MLIP: variants seen among roughly 807,000 people sequenced by gnomAD.
MLIP encodes the protein muscular LMNA interacting protein.
A neutral mutation model predicts 84.8 loss-of-function variants in MLIP; 79 were observed. The observed-to-expected ratio is 0.93, with a 90% CI of 0.78 to 1.12. The LOEUF is 1.12. Among genes scored for constraint, MLIP ranks in the 50% most tolerant of loss-of-function variants. MLIP has a pLI of 0.00. For missense variants in MLIP, 1,257 were observed against 1,160.6 expected, an observed-to-expected ratio of 1.08 and a Z score of -1.21; for synonymous variants, 504 against 463.0, an observed-to-expected ratio of 1.09 and a Z score of -1.14.
intron 12 of MLIP, among the ~76,000 whole-genome samples, chr6:54,253,672 A>G (rs1035787126): frequency 2.0e-5 from 3 of 152,104 alleles, no homozygotes; most frequent in African/African-American, 7.2e-5. Flanking sequence ...AGTGTGGTTT[A>G]TATTACCTTG....
intron 12 of MLIP, among the ~76,000 whole-genome samples, chr6:54,231,996 T>C (rs558357504): frequency 1.3e-5 from 2 of 152,294 alleles, no homozygotes; most frequent in South Asian, 4.1e-4. Flanking sequence ...TAAACAAATT[T>C]TAAAATATCA....
At chr6:54,217,607 T>A (rs1477047165) in intron 11 of MLIP, 2 of 983,760 alleles carry the variant, frequency 2.0e-6, no homozygotes, top group East Asian at 2.3e-4. Flanking sequence ...GATAGTATCA[T>A]CTCAAAAATA....
intron 1 of MLIP, among the ~76,000 whole-genome samples, chr6:54,039,156 T>C (rs1032362331): frequency 3.3e-5 from 5 of 151,974 alleles, no homozygotes; most frequent in East Asian, 1.9e-4. Context: ...TCTTTGGAAA[T>C]TGGAATTTCT....
At chr6:54,056,999 G>T (rs1434473971) in intron 1 of MLIP, among the ~76,000 whole-genome samples, 1 of 152,158 alleles carries the variant, frequency 6.6e-6, no homozygotes, top group Non-Finnish European at 1.5e-5. Context: ...TAAAGGCATA[G>T]GGTTAACATT....
intron 1 of MLIP, chr6:54,043,501 C>G (rs556227570): frequency 1.9e-4 from 29 of 152,350 alleles, no homozygotes; most frequent in Admixed American, 1.3e-3. Flanking sequence ...TCTTGCCACC[C>G]TCAACCCTCT....
chr6:54,137,600 A>G lies in MLIP; in HGVS notation c.1531A>G (p.Thr511Ala), dbSNP rs1361975063. The change falls in exon 4 of 14, where the codon ACA becomes GCA. Residue 511 changes from threonine (T) to alanine (A), a missense_variant. By Grantham distance (58) the Thr-to-Ala change is moderately conservative. Transcript: ENST00000502396. The stretch of plus-strand genomic sequence containing the variant: ...TTCTCAGGCGCCCTCCCTCTCTCCT[A>G]CAAAACAGGCTAGTAGCAGCCTTGC... The part of the protein sequence containing the change: ...PLSQAPSLSP[T>A]KQASSSLASM... 2.6e-6 allele frequency: 4 copies of G among 1,535,928 alleles called. No individual in the cohort carries two copies. The highest frequency in any genetic ancestry group is 1.4e-5 in the African/African-American group (1 of 73,034).
At chr6:54,038,143 A>G (rs1252987939) in intron 1 of MLIP, among the ~76,000 whole-genome samples, 1 of 151,976 alleles carries the variant, frequency 6.6e-6, no homozygotes, top group African/African-American at 2.4e-5. Flanking sequence ...ACTATTCAGT[A>G]TGCCCTCTGA....
chr6:54,216,008 T>C, intron 11 of MLIP: 1 of 323,002 alleles, frequency 3.1e-6, no homozygotes, highest in Non-Finnish European at 4.5e-6. Context: ...AGGATTTCTT[T>C]CTTTTTTAAG....
At chr6:54,092,874 AT>A (rs1004669439) in intron 1 of MLIP, among the ~76,000 whole-genome samples, 33 of 148,794 alleles carry the variant, frequency 2.2e-4, no homozygotes, top group Middle Eastern at 3.4e-3. Flanking sequence ...TATTGAATCT[AT>A]TTTTTTTTTC....
chr6:54,098,309 G>T (rs1768375399), intron 1 of MLIP, among the ~76,000 whole-genome samples: 2 of 147,662 alleles, frequency 1.4e-5, no homozygotes, highest in Admixed American at 7.0e-5. Flanking sequence ...TGCATATCAT[G>T]CCAGGCTAAT....
intron 11 of MLIP, among the ~76,000 whole-genome samples, chr6:54,210,596 A>G (rs1400650559): frequency 2.0e-5 from 3 of 151,808 alleles, no homozygotes; most frequent in African/African-American, 7.2e-5. Flanking sequence ...AGTTAATTCA[A>G]CAGCACCATG....
chr6:54,256,587 C>T (rs139158516), intron 12 of MLIP, among the ~76,000 whole-genome samples: 61 of 152,248 alleles, frequency 4.0e-4, no homozygotes, highest in African/African-American at 1.3e-3. Flanking sequence ...CTCCCCTTCT[C>T]TTTGTGTGTG....
At chr6:54,216,743 T>C (rs1779880026) in intron 11 of MLIP, 16 of 985,322 alleles carry the variant, frequency 1.6e-5, no homozygotes, top group Non-Finnish European at 1.9e-5. Context: ...AAAAAATGCA[T>C]ATGGATTCTC....
chr6:54,198,315 G>T (rs1307334898), intron 10 of MLIP, among the ~76,000 whole-genome samples: 1 of 152,022 alleles, frequency 6.6e-6, no homozygotes, highest in African/African-American at 2.4e-5. Context: ...TGTCTTAATT[G>T]GATAGAACAT....
intron 8 of MLIP, among the ~76,000 whole-genome samples, chr6:54,166,965 T>A (rs2150581774): frequency 6.6e-6 from 1 of 152,042 alleles, no homozygotes; most frequent in African/African-American, 2.4e-5. Context: ...AAAACTTTGG[T>A]GTCATGTTTT....
At chr6:54,215,398 C>T (rs931891941) in intron 11 of MLIP, 3 of 1,286,630 alleles carry the variant, frequency 2.3e-6, no homozygotes, top group Admixed American at 3.8e-5. Flanking sequence ...CTAATGGAAC[C>T]CATACTAATA....
At chr6:54,171,645 G>A (rs1775778748) in intron 9 of MLIP, among the ~76,000 whole-genome samples, 1 of 151,064 alleles carries the variant, frequency 6.6e-6, no homozygotes, top group Non-Finnish European at 1.5e-5. Context: ...TATAAGCTTT[G>A]GTCTTAAATG....
upstream of MLIP, among the ~76,000 whole-genome samples, chr6:54,109,453 G>A (rs898162373): frequency 4.6e-5 from 7 of 152,220 alleles, no homozygotes; most frequent in Admixed American, 4.6e-4. Context: ...AAAAAGTTCA[G>A]TAACTTGTCT....
intron 13 of MLIP, 93 bp from the exon 14 acceptor site, chr6:54,265,857 G>T: frequency 8.5e-7 from 1 of 1,183,186 alleles, no homozygotes; most frequent in Admixed American, 2.1e-5. Flanking sequence ...TTTTGTAGGA[G>T]ATGCTATGCC....
Sources: allele counts gnomAD v4.1 joint callset (sites outside exome capture counted in the v4.1 genomes callset), GRCh38; gene constraint gnomAD v4.1.1; transcripts MANE v1.5; gene names NCBI Gene and HGNC (gene_info 2026-07-23, HGNC 2026-07-21).